The following DPYSL5 variants were observed in gnomAD, a reference collection of about 807,000 sequenced individuals.
DPYSL5 encodes dihydropyrimidinase-related protein 5.
DPYSL5 carries 9 observed loss-of-function variants against 58.4 expected under a neutral mutation model. That is an observed-to-expected ratio of 0.15 (90% CI 0.09 to 0.27). The LOEUF (loss-of-function observed/expected upper bound fraction) is 0.27, where lower values mean the gene tolerates loss of function less well. DPYSL5 is among the 10% of genes least tolerant of loss of function. The pLI is 1.00. For synonymous variants in DPYSL5, 293 were observed against 301.9 expected, an observed-to-expected ratio of 0.97 and a Z score of 0.31; for missense variants, 499 against 770.6, an observed-to-expected ratio of 0.65 and a Z score of 4.17.
At position 26,927,779 on chromosome 2, in the gene DPYSL5, C is replaced by T. The variant is rs1487183979; in HGVS notation, c.600+347C>T. ...TTGATATACAGAATAAATAAGAATC[C>T]GCTTCCCATTTGGCCTCTTCAGAGG... On this transcript the variant is annotated intron_variant, in intron 4 of 12. Coordinates refer to ENST00000288699, the MANE Select transcript of DPYSL5 (RefSeq NM_020134.4). This position sits in a 1 kb window ranked among gnomAD's most constrained non-coding sequence, Gnocchi z 4.3. Among the ~76,000 whole-genome samples, 4 of 152,100 alleles carry T rather than the reference C, an allele frequency of 2.6e-5. No individual in the cohort carries two copies. The highest frequency in any genetic ancestry group is 7.2e-5 in the African/African-American group (3 of 41,404).
intron 5 of DPYSL5, among the ~76,000 whole-genome samples, chr2:26,931,152 A>AAAAAATATAT (rs1209140758): frequency 6.1e-5 from 3 of 48,804 alleles, no homozygotes; most frequent in Admixed American, 2.2e-4. Context: ...AAAAAAAAAA[A>AAAAAATATAT]ATATATATAT....
rs534873701 is a variant in DPYSL5 at position 26,869,675 on chromosome 2, T to G, written c.-5+21421T>G. ...TTTGTTATATTTATCTTATAATCCA[T>G]TATCTTACCACTTTTCTTAGGTTTT... On this transcript the variant is annotated intron_variant, in intron 1 of 12. Coordinates refer to ENST00000288699, the MANE Select transcript of DPYSL5 (RefSeq NM_020134.4). Among the ~76,000 whole-genome samples the G allele has an allele frequency of 2.0e-5, 3 of 152,302 alleles. No individual in the cohort carries two copies. In the East Asian group the frequency reaches 5.8e-4, roughly 29 times the overall value.
chr2:26,919,777 T>C (rs2148153820), intron 2 of DPYSL5, among the ~76,000 whole-genome samples: 1 of 152,330 alleles, frequency 6.6e-6, no homozygotes, highest in Non-Finnish European at 1.5e-5. Flanking sequence ...CAATTCTGCT[T>C]CCTGGCAGTG....
At chr2:26,930,631 T>C (rs1664946078) in intron 5 of DPYSL5, among the ~76,000 whole-genome samples, 1 of 152,058 alleles carries the variant, frequency 6.6e-6, no homozygotes, top group Non-Finnish European at 1.5e-5. Context: ...ATGACCAGCC[T>C]GGGCAATAAA....
chr2:26,882,578 C>T (rs1437033645), intron 1 of DPYSL5, among the ~76,000 whole-genome samples: 1 of 152,004 alleles, frequency 6.6e-6, no homozygotes, highest in Non-Finnish European at 1.5e-5. Context: ...ATAAGCACCA[C>T]GCCCAGCACA....
chr2:26,872,017 CTGAGA>C (rs1022668293), intron 1 of DPYSL5, among the ~76,000 whole-genome samples: 4 of 152,160 alleles, frequency 2.6e-5, no homozygotes, highest in African/African-American at 7.2e-5. Context: ...CACCCACCAG[CTGAGA>C]TATTTTCCTT....
At chr2:26,891,912 A>T (rs1663889883) in intron 1 of DPYSL5, among the ~76,000 whole-genome samples, 2 of 152,108 alleles carry the variant, frequency 1.3e-5, no homozygotes, top group South Asian at 2.1e-4. Flanking sequence ...ACCTCAAGTG[A>T]TCCGCCGGCC....
chr2:26,853,946 C>T (rs1347517817), intron 1 of DPYSL5, among the ~76,000 whole-genome samples: 1 of 151,826 alleles, frequency 6.6e-6, no homozygotes, highest in Non-Finnish European at 1.5e-5. Flanking sequence ...AGGGTGATGT[C>T]AGAGGATTGC....
At chr2:26,926,486 TATA>T (rs963507941) in intron 3 of DPYSL5, among the ~76,000 whole-genome samples, 33 of 152,214 alleles carry the variant, frequency 2.2e-4, no homozygotes, top group Admixed American at 1.8e-3. Flanking sequence ...AATTCTGTTT[TATA>T]ATAATCAAAT....
At position 26,924,877 on chromosome 2, in the gene DPYSL5, G is replaced by A. The variant is rs373893021; in HGVS notation, c.262-10G>A. 52 of 1,612,414 alleles carry A rather than the reference G, an allele frequency of 3.2e-5. 1 individual carries two copies. Among genetic ancestry groups the A allele is most frequent in the Admixed American group, 1.5e-4 (9 of 59,900 alleles). On this transcript the variant is annotated splice_polypyrimidine_tract_variant and intron_variant, in intron 2 of 12. Coordinates refer to ENST00000288699, the MANE Select transcript of DPYSL5 (RefSeq NM_020134.4). This position sits in a 1 kb window ranked among gnomAD's most constrained non-coding sequence, Gnocchi z 4.7. ...GGCTGTGACGAGACTGCCTTTTCCCGTCTTCCCAGGCAGCACTCGTCGGAG... is the reference window on the plus strand; with the variant it reads ...GGCTGTGACGAGACTGCCTTTTCCCATCTTCCCAGGCAGCACTCGTCGGAG...
intron 1 of DPYSL5, among the ~76,000 whole-genome samples, chr2:26,869,228 G>T (rs1382861834): frequency 6.6e-6 from 1 of 152,224 alleles, no homozygotes; most frequent in Non-Finnish European, 1.5e-5. Context: ...GCCTCCCAAA[G>T]TGATGTGATT....
chr2:26,941,985 C>A lies in DPYSL5; in HGVS notation c.1125C>A (p.Ala375=), dbSNP rs973459018. The change falls in exon 10 of 13, where the codon GCC becomes GCA. Residue 375 remains alanine (A), a synonymous_variant. Transcript: ENST00000288699. ...GGKMDENRFV[A]VTSSNAAKLL... ...AGATGGATGAGAACCGTTTTGTGGC[C>A]GTTACCAGTTCCAACGCAGCTAAGC... is the stretch of plus-strand genomic sequence containing the variant. The A allele has an allele frequency of 4.3e-6, 7 of 1,614,154 alleles. No homozygotes were observed. In the South Asian group the frequency reaches 6.6e-5, roughly 15 times the overall value.
At position 26,934,678 on chromosome 2, in the gene DPYSL5, G is replaced by T; in HGVS notation, c.891G>T (p.Val297=). The change falls in exon 8 of 13, where the codon GTG becomes GTT. Residue 297 remains valine, a synonymous_variant. Transcript: ENST00000288699. The surrounding 1 kb of genome is among the most constrained non-coding windows in gnomAD (Gnocchi z 4.3). ...DWSHAAAYVT[V]PPLRLDTNTS... is the part of the protein sequence containing the mutation. ...CCCACGCGGCTGCCTATGTCACGGT[G>T]CCTCCCCTGAGACTGGACACCAACA... 6.2e-7 allele frequency: 1 copy of T among 1,614,142 alleles called. No homozygotes were observed. The highest frequency in any genetic ancestry group is 8.5e-7 in the Non-Finnish European group (1 of 1,180,020).
intron 8 of DPYSL5, among the ~76,000 whole-genome samples, chr2:26,936,050 C>T (rs955490048): frequency 6.6e-6 from 1 of 152,236 alleles, no homozygotes; most frequent in Non-Finnish European, 1.5e-5. Context: ...CCACTGCTCT[C>T]AGCTCTGTTC....
At position 26,931,137 on chromosome 2, in the gene DPYSL5, T is replaced by TA. The variant is rs61652873; in HGVS notation, c.670-487dup. 2.5e-3 allele frequency among the ~76,000 whole-genome samples: 123 copies of TA among 49,498 alleles called. 1 individual carries two copies. Among genetic ancestry groups the TA allele is most frequent in the African/African-American group, 7.3e-3 (115 of 15,858 alleles). The allele number at this position is 49,498 out of a possible 152,430, so 32.5% of individuals were successfully genotyped here. On this transcript the variant is annotated intron_variant, in intron 5 of 12. Coordinates refer to ENST00000288699, the MANE Select transcript of DPYSL5 (RefSeq NM_020134.4). ...CTGGGAGACAGAGTGAGACCCTATC[T>TA]AAAAAAAAAAAAAAAATATATATAT... is the stretch of plus-strand genomic sequence containing the variant.
chr2:26,887,809 C>G (rs537715985), intron 1 of DPYSL5, among the ~76,000 whole-genome samples: 2 of 152,316 alleles, frequency 1.3e-5, no homozygotes, highest in South Asian at 4.1e-4. Context: ...CCCACTTCCA[C>G]CCCAAGTTCT....
At chr2:26,903,791 G>A (rs531762799) in intron 2 of DPYSL5, among the ~76,000 whole-genome samples, 5 of 152,184 alleles carry the variant, frequency 3.3e-5, no homozygotes, top group South Asian at 2.1e-4. Context: ...ACCCCAGCCC[G>A]GGGCCCAGAG....
intron 2 of DPYSL5, among the ~76,000 whole-genome samples, chr2:26,913,192 G>A (rs937680143): frequency 2.6e-5 from 4 of 152,178 alleles, no homozygotes; most frequent in African/African-American, 9.7e-5. Flanking sequence ...CCTCCAAAAC[G>A]TTTTCATCTT....
intron 1 of DPYSL5, among the ~76,000 whole-genome samples, chr2:26,858,961 A>G (rs942754722): frequency 2.0e-5 from 3 of 152,168 alleles, no homozygotes; most frequent in African/African-American, 7.2e-5. Flanking sequence ...TTGCCTAGCT[A>G]ATGTAATTTT....
Sources: gnomAD v4.1 joint callset for allele counts (sites outside exome capture counted in the v4.1 genomes callset) on GRCh38, gnomAD v4.1.1 for gene constraint, Gnocchi (gnomAD v3.1) non-coding constraint, MANE v1.5 for transcripts, NCBI Gene and HGNC (gene_info 2026-07-23, HGNC 2026-07-21) for gene names.